PDE4D: variants seen among roughly 807,000 people sequenced by gnomAD.
PDE4D encodes the protein 3',5'-cyclic-AMP phosphodiesterase 4D.
In PDE4D, 24 loss-of-function variants were observed where a neutral mutation model predicts 87.4. That is an observed-to-expected ratio of 0.27 (90% CI 0.20 to 0.39). The LOEUF (loss-of-function observed/expected upper bound fraction) is 0.39. Ranked by LOEUF, PDE4D falls within the 10% of genes least tolerant of loss-of-function variation. The pLI is 1.00. For synonymous variants in PDE4D, 384 were observed against 383.2 expected (o/e 1.00, Z -0.02); for missense variants, 714 against 1,041.0 (o/e 0.69, Z 4.32).
chr5:60,101,533 T>C (rs1009584835), intron 2 of PDE4D, among the ~76,000 whole-genome samples: 1 of 152,176 alleles, frequency 6.6e-6, no homozygotes, highest in Non-Finnish European at 1.5e-5. Context: ...CCAGTAGATA[T>C]AAGACTTTAG....
intron 3 of PDE4D, among the ~76,000 whole-genome samples, chr5:59,946,813 T>C (rs1019317336): frequency 6.6e-6 from 1 of 152,256 alleles, no homozygotes; most frequent in Non-Finnish European, 1.5e-5. Context: ...GCTATCATGA[T>C]ACCCATCCTG....
intron 2 of PDE4D, among the ~76,000 whole-genome samples, chr5:60,063,830 A>G (rs923876492): frequency 6.6e-6 from 1 of 152,060 alleles, no homozygotes; most frequent in Non-Finnish European, 1.5e-5. Flanking sequence ...GATAGTAATA[A>G]AAAGATTGAG....
intron 1 of PDE4D, among the ~76,000 whole-genome samples, chr5:59,642,006 C>G (rs1741666583): frequency 6.6e-6 from 1 of 151,970 alleles, no homozygotes; most frequent in African/African-American, 2.4e-5. Flanking sequence ...GGTTAACTAT[C>G]TAATGGTTCA....
At chr5:59,823,918 C>T (rs537653813) in intron 1 of PDE4D, among the ~76,000 whole-genome samples, 142 of 151,086 alleles carry the variant, frequency 9.4e-4, no homozygotes, top group Non-Finnish European at 1.4e-3. Context: ...AGCAAAATTG[C>T]ATTTCAGAAA....
intron 1 of PDE4D, among the ~76,000 whole-genome samples, chr5:59,426,184 C>T (rs887417040): frequency 6.6e-6 from 1 of 152,182 alleles, no homozygotes; most frequent in Non-Finnish European, 1.5e-5. Context: ...GACACCTTGA[C>T]CTTGGATTTC....
chr5:60,474,106 A>ATATATATATATGTGTGTG lies in PDE4D; in HGVS notation c.-90+13835_-90+13836insCACACACATATATATATA, dbSNP rs70975389. Among the ~76,000 whole-genome samples the ATATATATATATGTGTGTG allele has an allele frequency of 2.4e-4, 3 of 12,666 alleles. No homozygotes were observed. The South Asian group carries it at 5.4e-3, about 23-fold the overall frequency. 8.3% of individuals were successfully genotyped at this position (12,666 alleles called of 152,430 possible). On this transcript the variant is annotated intron_variant, in intron 1 of 16. Coordinates refer to the PDE4D transcript ENST00000502484. ...ACTGTCTCAGTCCCTTTGAGCTGCC[A>ATATATATATATGTGTGTG]TATATATATATATATATATATATAT...
chr5:59,287,854 C>A (rs1412239080), intron 1 of PDE4D, among the ~76,000 whole-genome samples: 1 of 152,110 alleles, frequency 6.6e-6, no homozygotes, highest in Non-Finnish European at 1.5e-5. Flanking sequence ...TTATCCAAGA[C>A]TACTAAGGTG....
chr5:60,280,713 A>G (rs946245619), intron 1 of PDE4D, among the ~76,000 whole-genome samples: 1 of 152,360 alleles, frequency 6.6e-6, no homozygotes, highest in African/African-American at 2.4e-5. Flanking sequence ...TTGAGAAGTT[A>G]CTTAACTCTT....
intron 1 of PDE4D, among the ~76,000 whole-genome samples, chr5:60,337,388 TACACACACACACACACAC>T (rs370108536): frequency 1.1e-5 from 1 of 89,474 alleles, no homozygotes; most frequent in African/African-American, 4.3e-5. Flanking sequence ...TATATATATA[TACACACACACACACACAC>T]ATATATCAAT....
chr5:59,910,734 T>C (rs1230266567), intron 3 of PDE4D, among the ~76,000 whole-genome samples: 3 of 152,302 alleles, frequency 2.0e-5, no homozygotes, highest in Middle Eastern at 6.8e-3. Context: ...CACCAGACAC[T>C]AGATCCTTGA....
At chr5:60,425,291 AG>A (rs1743590345) in intron 1 of PDE4D, among the ~76,000 whole-genome samples, 1 of 152,240 alleles carries the variant, frequency 6.6e-6, no homozygotes, top group African/African-American at 2.4e-5. Context: ...CTATACTACA[AG>A]GCTACAGTAA....
At chr5:60,225,684 C>G (rs1745010102) in intron 1 of PDE4D, among the ~76,000 whole-genome samples, 1 of 152,000 alleles carries the variant, frequency 6.6e-6, no homozygotes, top group African/African-American at 2.4e-5. Flanking sequence ...CTCTGGGGTT[C>G]CACTTTATAA....
intron 2 of PDE4D, among the ~76,000 whole-genome samples, chr5:60,137,831 T>C (rs1262812074): frequency 1.3e-5 from 2 of 152,154 alleles, no homozygotes; most frequent in African/African-American, 4.8e-5. Context: ...GCAATTGCTT[T>C]TGTCATTTTT....
At chr5:59,155,297 A>C (rs1780006596) in intron 5 of PDE4D, among the ~76,000 whole-genome samples, 1 of 152,256 alleles carries the variant, frequency 6.6e-6, no homozygotes, top group South Asian at 2.1e-4. Flanking sequence ...AGAAGTATTC[A>C]GAGCAGCAAG....
At chr5:59,077,799 C>T (rs1765967522) in intron 5 of PDE4D, among the ~76,000 whole-genome samples, 1 of 152,080 alleles carries the variant, frequency 6.6e-6, no homozygotes, top group African/African-American at 2.4e-5. Flanking sequence ...CCTTTCTCCC[C>T]CACTCCAAGA....
rs942364449 is a variant in PDE4D at position 60,494,175 on chromosome 5, T to A, written n.70+27876A>T. Among the ~76,000 whole-genome samples the A allele has an allele frequency of 3.2e-4, 48 of 152,170 alleles. 2 individuals are homozygous for A. The highest frequency in any genetic ancestry group is 1.5e-5 in the Non-Finnish European group (1 of 68,026). On this transcript the variant is annotated intron_variant and non_coding_transcript_variant, in intron 1 of 2. Coordinates refer to the PDE4D transcript ENST00000506510. The stretch of plus-strand genomic sequence containing the variant: ...CGTATATTTGAAAGTTTGAAAGCTT[T>A]GCATGGGGCCTGGCAAGGAGTTGAA...
intron 1 of PDE4D, among the ~76,000 whole-genome samples, chr5:59,876,472 TTA>T (rs1243326673): frequency 6.6e-6 from 1 of 152,186 alleles, no homozygotes; most frequent in Non-Finnish European, 1.5e-5. Flanking sequence ...TCTTTATTCT[TTA>T]TCCACCTGCC....
At position 60,182,881 on chromosome 5, in the gene PDE4D, GA is replaced by G. The variant is rs558346227; in HGVS notation, c.42+2675del. Among the ~76,000 whole-genome samples, 604 of 114,614 alleles carry G rather than the reference GA, an allele frequency of 5.3e-3. 2 individuals are homozygous for G. The highest frequency in any genetic ancestry group is 6.4e-3 in the Non-Finnish European group (340 of 53,192). 75.2% of individuals were successfully genotyped at this position (114,614 alleles called of 152,430 possible). ...GGCAACAGAGCAAGACTCCGTCTCA[GA>G]AAAAAAAAAAAAAAAGAATATCAAA... On this transcript the variant is annotated intron_variant, in intron 2 of 16. Transcript: ENST00000502484.
intron 2 of PDE4D, among the ~76,000 whole-genome samples, chr5:60,034,046 C>T (rs945589657): frequency 2.0e-5 from 3 of 152,156 alleles, no homozygotes; most frequent in African/African-American, 7.2e-5. Flanking sequence ...CTTGTCCTCC[C>T]TCTCAGAGGA....
Sources: allele counts gnomAD v4.1 joint callset (sites outside exome capture counted in the v4.1 genomes callset), GRCh38; gene constraint gnomAD v4.1.1; transcripts MANE v1.5; gene names NCBI Gene and HGNC (gene_info 2026-07-23, HGNC 2026-07-21).